The following KIAA1958 variants were observed in gnomAD, a reference collection of about 807,000 sequenced individuals.
The protein encoded by KIAA1958 is uncharacterized protein KIAA1958.
Under a neutral mutation model 47.2 loss-of-function variants are expected in KIAA1958, and 14 were observed. That is an observed-to-expected ratio of 0.30 (90% CI 0.20 to 0.46). The LOEUF (loss-of-function observed/expected upper bound fraction) is 0.46, where lower values mean the gene tolerates loss of function less well. Ranked by LOEUF, KIAA1958 falls within the 20% of genes least tolerant of loss-of-function variation. KIAA1958 has a pLI of 1.00. For synonymous variants in KIAA1958, 354 were observed against 353.3 expected (o/e 1.00, Z -0.02); for missense variants, 803 against 909.2 (o/e 0.88, Z 1.50).
chr9:112,585,834 G>A (rs1329049103), intron 2 of KIAA1958, among the ~76,000 whole-genome samples: 1 of 152,210 alleles, frequency 6.6e-6, no homozygotes, highest in Non-Finnish European at 1.5e-5. Flanking sequence ...TCAGGGCACA[G>A]AGATCTGCAG....
intron 1 of KIAA1958, among the ~76,000 whole-genome samples, chr9:112,507,728 A>G (rs761111449): frequency 6.6e-6 from 1 of 152,172 alleles, no homozygotes; most frequent in Non-Finnish European, 1.5e-5. Context: ...AGATCAAAGT[A>G]TAACCCTAAA....
chr9:112,653,960 G>T (rs1401908472), intron 3 of KIAA1958, among the ~76,000 whole-genome samples: 2 of 152,160 alleles, frequency 1.3e-5, no homozygotes, highest in Non-Finnish European at 2.9e-5. Flanking sequence ...CACATTCCTT[G>T]AAGGCTTGGA....
chr9:112,632,355 AT>A (rs1836724662), intron 2 of KIAA1958, among the ~76,000 whole-genome samples: 1 of 152,004 alleles, frequency 6.6e-6, no homozygotes, highest in Non-Finnish European at 1.5e-5. Flanking sequence ...TATATGCACA[AT>A]TATTTAATTA....
intron 1 of KIAA1958, among the ~76,000 whole-genome samples, chr9:112,523,413 T>G (rs1468185543): frequency 6.6e-6 from 1 of 151,414 alleles, no homozygotes; most frequent in Non-Finnish European, 1.5e-5. Context: ...ATCGTGCCAC[T>G]GCACTCCAGC....
intron 1 of KIAA1958, among the ~76,000 whole-genome samples, chr9:112,490,767 G>C (rs1359524167): frequency 6.6e-6 from 1 of 152,180 alleles, no homozygotes; most frequent in South Asian, 2.1e-4. Flanking sequence ...TAAACAGTTG[G>C]AGAGCTTTTT....
intron 2 of KIAA1958, among the ~76,000 whole-genome samples, chr9:112,630,414 G>A (rs1836689895): frequency 6.6e-6 from 1 of 152,208 alleles, no homozygotes; most frequent in South Asian, 2.1e-4. Flanking sequence ...GAAGGCCAAG[G>A]CAGGAGGATC....
intron 2 of KIAA1958, among the ~76,000 whole-genome samples, chr9:112,630,618 C>T (rs78781565): frequency 0.012 from 1,860 of 152,056 alleles, 38 homozygotes; most frequent in African/African-American, 0.043. Context: ...GCACATATTA[C>T]AGTGTTCTTT....
chr9:112,574,492 T>C lies in KIAA1958; in HGVS notation c.412T>C (p.Tyr138His), dbSNP rs765878923. The stretch of plus-strand genomic sequence containing the variant: ...TGAACTGGATGAAACTGTTGAAGAA[T>C]ATGAAGATGAGAACACCCTGTTTGA... ...PSELDETVEE[Y>H]EDENTLFDMV... Residue 138 changes from tyrosine to histidine, a missense_variant, in exon 2 of 4, where the codon TAT becomes CAT. Tyr to His is a moderately conservative substitution (Grantham distance 83, BLOSUM62 2). Around this residue, in one of 2 missense-constraint regions of KIAA1958, gnomAD observed 761 missense variants for 829.3 expected, o/e 0.92. Transcript: ENST00000337530. The C allele has an allele frequency of 1.2e-6, 2 of 1,614,160 alleles. No homozygotes were observed. The highest frequency in any genetic ancestry group is 1.7e-6 in the Non-Finnish European group (2 of 1,180,030).
chr9:112,613,515 T>G (rs1836361850), intron 2 of KIAA1958, among the ~76,000 whole-genome samples: 1 of 152,182 alleles, frequency 6.6e-6, no homozygotes, highest in African/African-American at 2.4e-5. Context: ...TAGGAATTCT[T>G]GTTTATTAAA....
intron 1 of KIAA1958, among the ~76,000 whole-genome samples, chr9:112,509,460 C>T (rs1292260306): frequency 2.0e-5 from 3 of 150,188 alleles, no homozygotes; most frequent in Admixed American, 6.6e-5. Context: ...CTCGGCCTCC[C>T]GCCAGGCCCA....
chr9:112,579,281 T>A (rs1835698933), intron 2 of KIAA1958, among the ~76,000 whole-genome samples: 1 of 152,126 alleles, frequency 6.6e-6, no homozygotes, highest in African/African-American at 2.4e-5. Context: ...TCAATCAATC[T>A]TTTCTGTCTT....
At chr9:112,642,127 C>A (rs867711896) in intron 2 of KIAA1958, among the ~76,000 whole-genome samples, 37 of 152,190 alleles carry the variant, frequency 2.4e-4, no homozygotes, top group African/African-American at 8.0e-4. Flanking sequence ...ATAGGGATTT[C>A]CTTAGCTATT....
At chr9:112,590,438 C>T (rs1053638494) in intron 2 of KIAA1958, among the ~76,000 whole-genome samples, 5 of 151,634 alleles carry the variant, frequency 3.3e-5, no homozygotes, top group Non-Finnish European at 7.4e-5. Context: ...TGCAACCTCC[C>T]CCTCCCGGGT....
At chr9:112,647,436 T>C (rs988385307) in intron 3 of KIAA1958, among the ~76,000 whole-genome samples, 3 of 151,666 alleles carry the variant, frequency 2.0e-5, no homozygotes, top group African/African-American at 7.3e-5. Context: ...TCAGAGCAAC[T>C]ACATATGTGC....
intron 2 of KIAA1958, among the ~76,000 whole-genome samples, chr9:112,623,095 G>A (rs1477716866): frequency 6.6e-6 from 1 of 152,136 alleles, no homozygotes; most frequent in Non-Finnish European, 1.5e-5. Flanking sequence ...TCTGCTTTGA[G>A]TATTTTCTGG....
At chr9:112,565,320 T>C (rs140425364) in intron 1 of KIAA1958, among the ~76,000 whole-genome samples, 1 of 152,342 alleles carries the variant, frequency 6.6e-6, no homozygotes, top group East Asian at 1.9e-4. Context: ...CCTAGGCTGG[T>C]CTCAAACCCC....
At chr9:112,594,630 T>C (rs1263554270) in intron 2 of KIAA1958, among the ~76,000 whole-genome samples, 2 of 152,222 alleles carry the variant, frequency 1.3e-5, no homozygotes, top group Admixed American at 1.3e-4. Flanking sequence ...ATTCAGGAAG[T>C]GATGGGTATT....
chr9:112,594,270 A>C (rs1362411805), intron 2 of KIAA1958, among the ~76,000 whole-genome samples: 1 of 152,080 alleles, frequency 6.6e-6, no homozygotes, highest in African/African-American at 2.4e-5. Context: ...ATTTACAGAG[A>C]TATAATCCAT....
intron 2 of KIAA1958, among the ~76,000 whole-genome samples, chr9:112,599,351 T>C (rs1348353590): frequency 7.0e-6 from 1 of 142,818 alleles, no homozygotes; most frequent in Non-Finnish European, 1.5e-5. Context: ...ATTCCTAAAT[T>C]AGAAGATGCT....
Sources: allele counts gnomAD v4.1 joint callset (sites outside exome capture counted in the v4.1 genomes callset), GRCh38; gene constraint gnomAD v4.1.1; regional missense constraint gnomAD v4.1.1; transcripts MANE v1.5; gene names NCBI Gene and HGNC (gene_info 2026-07-23, HGNC 2026-07-21).